The following GPHN variants were observed in gnomAD, a reference collection of about 807,000 sequenced individuals.
The protein encoded by GPHN is gephyrin.
A neutral mutation model predicts 95.5 loss-of-function variants in GPHN; 17 were observed. That is an observed-to-expected ratio of 0.18 (90% CI 0.12 to 0.27). GPHN has a LOEUF of 0.27. Ranked by LOEUF, GPHN falls within the 10% of genes least tolerant of loss-of-function variation. GPHN has a pLI of 1.00. For synonymous variants in GPHN, 320 were observed against 322.5 expected, an observed-to-expected ratio of 0.99 and a Z score of 0.08; for missense variants, 660 against 978.1, an observed-to-expected ratio of 0.67 and a Z score of 4.34.
intron 3 of GPHN, among the ~76,000 whole-genome samples, chr14:66,784,061 GGT>G (rs998528868): frequency 2.1e-4 from 32 of 152,122 alleles, no homozygotes; most frequent in Admixed American, 6.5e-5. Context: ...AGAAGATTCA[GGT>G]GTTGAAATTA....
At chr14:67,287,298 T>C in the GPHN span, among the ~76,000 whole-genome samples, 3 of 144,760 alleles carry the variant, frequency 2.1e-5, no homozygotes, top group Non-Finnish European at 2.9e-5. Flanking sequence ...GTCTTTTACA[T>C]TTCCTTAGTT....
chr14:67,465,145 A>G, the GPHN span, among the ~76,000 whole-genome samples: 1 of 152,254 alleles, frequency 6.6e-6, no homozygotes, highest in Non-Finnish European at 1.5e-5. Context: ...GGTGACCGGC[A>G]CACAGAGGGC....
chr14:66,823,685 T>G (rs886936843), intron 3 of GPHN, among the ~76,000 whole-genome samples: 2 of 152,204 alleles, frequency 1.3e-5, no homozygotes, highest in African/African-American at 4.8e-5. Flanking sequence ...GGTCTTGGAT[T>G]TATTCTAAAT....
the GPHN span, among the ~76,000 whole-genome samples, chr14:67,188,825 CTTTCTTTCTTTCT>C: frequency 6.7e-6 from 1 of 149,410 alleles, no homozygotes; most frequent in Non-Finnish European, 1.5e-5. Flanking sequence ...TTTTCTTTTT[CTTTCTTTCTTTCT>C]TTTCTTTCTT....
At chr14:67,170,488 G>T (rs1039023044) in intron 21 of GPHN, among the ~76,000 whole-genome samples, 2 of 152,180 alleles carry the variant, frequency 1.3e-5, no homozygotes, top group Non-Finnish European at 2.9e-5. Context: ...GCTTCCCTTT[G>T]ACTTTGCAGA....
rs114149868 is a variant in GPHN, at chr14:67,128,205, G to T, written c.1748+5828G>T. The stretch of plus-strand genomic sequence containing the variant: ...GAAACTAGTAAAGCCTAGATATTCT[G>T]AATTGGCACAAATTTATGTGAGTTT... On this transcript the variant is annotated intron_variant, in intron 17 of 22. Coordinates refer to ENST00000478722, the MANE Select transcript of GPHN (RefSeq NM_020806.5). 7.1e-3 allele frequency among the ~76,000 whole-genome samples: 1,081 copies of T among 151,588 alleles called. 5 individuals carry two copies. The highest frequency in any genetic ancestry group is 0.025 in the African/African-American group (1,031 of 41,336).
chr14:67,574,941 A>G, the GPHN span, among the ~76,000 whole-genome samples: 1 of 152,200 alleles, frequency 6.6e-6, no homozygotes, highest in African/African-American at 2.4e-5. This position sits in a 1 kb window ranked among gnomAD's most constrained non-coding sequence, Gnocchi z 4.2. Context: ...CAGGGCTGGC[A>G]GGCTCGCTGT....
intron 4 of GPHN, among the ~76,000 whole-genome samples, chr14:66,878,574 A>C (rs768977885): frequency 1.3e-5 from 2 of 152,220 alleles, no homozygotes; most frequent in Non-Finnish European, 2.9e-5. Context: ...ACACTTCTCA[A>C]AACGAAGACA....
the GPHN span, among the ~76,000 whole-genome samples, chr14:67,561,360 G>A: frequency 1.3e-5 from 2 of 152,114 alleles, no homozygotes; most frequent in African/African-American, 4.8e-5. Context: ...AGACCAACCT[G>A]GCCAACATGG....
At chr14:66,930,364 A>T (rs1412179512) in intron 8 of GPHN, among the ~76,000 whole-genome samples, 2 of 151,770 alleles carry the variant, frequency 1.3e-5, no homozygotes, top group Admixed American at 1.3e-4. Context: ...CTATCTTATA[A>T]CCCATTATTT....
the GPHN span, chr14:67,203,233 C>T: frequency 6.2e-7 from 1 of 1,612,634 alleles, no homozygotes; most frequent in Non-Finnish European, 8.5e-7. Flanking sequence ...CAAAAAGATA[C>T]AGAAACCCTG....
chr14:66,747,195 G>A (rs973363621), intron 2 of GPHN, among the ~76,000 whole-genome samples: 1 of 152,080 alleles, frequency 6.6e-6, no homozygotes, highest in Admixed American at 6.6e-5. Flanking sequence ...CTCTAGCCAG[G>A]TTTTTTAGTT....
At chr14:67,593,656 T>C in the GPHN span, 4 of 743,150 alleles carry the variant, frequency 5.4e-6, no homozygotes, top group Non-Finnish European at 9.5e-6. Context: ...GTCTCACTTT[T>C]ACGGTTTTAG....
intron 4 of GPHN, among the ~76,000 whole-genome samples, chr14:66,878,044 A>G (rs1332134868): frequency 6.6e-6 from 1 of 152,206 alleles, no homozygotes; most frequent in Non-Finnish European, 1.5e-5. Context: ...CCAATGGAAC[A>G]GAACAGAGGC....
the GPHN span, among the ~76,000 whole-genome samples, chr14:67,403,815 G>T: frequency 2.0e-5 from 3 of 152,218 alleles, no homozygotes; most frequent in Admixed American, 2.0e-4. Context: ...ACTTTGGGAG[G>T]CCAAGGAGAG....
intron 11 of GPHN, among the ~76,000 whole-genome samples, chr14:67,068,454 T>C (rs1399078929): frequency 2.0e-5 from 3 of 152,224 alleles, no homozygotes; most frequent in Non-Finnish European, 2.9e-5. Flanking sequence ...TCATTTTCTT[T>C]ATTTGTAAAA....
At chr14:67,321,014 T>C in the GPHN span, 2 of 1,559,040 alleles carry the variant, frequency 1.3e-6, no homozygotes, top group Non-Finnish European at 1.8e-6. Context: ...CTGTCCTCAC[T>C]CTAAGCCATG....
chr14:66,667,197 A>G (rs2066016515), intron 1 of GPHN, among the ~76,000 whole-genome samples: 1 of 152,232 alleles, frequency 6.6e-6, no homozygotes, highest in Non-Finnish European at 1.5e-5. Flanking sequence ...GTATTGGTAA[A>G]ATGGCCAAAA....
chr14:67,247,647 T>A, the GPHN span, among the ~76,000 whole-genome samples: 3 of 152,156 alleles, frequency 2.0e-5, no homozygotes, highest in Admixed American at 2.0e-4. Flanking sequence ...GGCGCAGCAC[T>A]GCTCACGGCA....
Sources: gnomAD v4.1 joint callset for allele counts (sites outside exome capture counted in the v4.1 genomes callset) on GRCh38, gnomAD v4.1.1 for gene constraint, Gnocchi (gnomAD v3.1) non-coding constraint, MANE v1.5 for transcripts, NCBI Gene and HGNC (gene_info 2026-07-23, HGNC 2026-07-21) for gene names.